Variants in SCAPER observed in about 807,000 individuals in gnomAD.
SCAPER encodes S phase cyclin A-associated protein in the endoplasmic reticulum.
SCAPER carries 98 observed loss-of-function variants against 182.2 expected under a neutral mutation model. That is an observed-to-expected ratio of 0.54 (90% CI 0.46 to 0.64). The LOEUF (loss-of-function observed/expected upper bound fraction) is 0.64, where lower values mean the gene tolerates loss of function less well. Among genes scored for constraint, SCAPER ranks in the 30% least tolerant of loss-of-function variants. The pLI is 0.00. For synonymous variants in SCAPER, 605 were observed against 564.6 expected (o/e 1.07, Z -1.01); for missense variants, 1,432 against 1,690.0 (o/e 0.85, Z 2.68).
chr15:76,666,371 C>T (rs973254089), intron 20 of SCAPER, among the ~76,000 whole-genome samples: 4 of 152,174 alleles, frequency 2.6e-5, no homozygotes, highest in African/African-American at 7.2e-5. Context: ...CACAGCAAAA[C>T]TTTGGTTCAG....
intron 22 of SCAPER, among the ~76,000 whole-genome samples, chr15:76,606,135 C>G (rs966627090): frequency 3.9e-5 from 6 of 152,126 alleles, no homozygotes; most frequent in African/African-American, 1.4e-4. Context: ...TTAGATCTTT[C>G]CTGCTTTCTC....
intron 17 of SCAPER, among the ~76,000 whole-genome samples, chr15:76,706,980 G>A (rs1598284202): frequency 6.6e-6 from 1 of 151,876 alleles, no homozygotes; most frequent in East Asian, 1.9e-4. Flanking sequence ...TTTCATTTAT[G>A]ACATATATAT....
chr15:76,777,117 T>G (rs1311387077), intron 8 of SCAPER, among the ~76,000 whole-genome samples: 1 of 152,020 alleles, frequency 6.6e-6, no homozygotes, highest in Non-Finnish European at 1.5e-5. Context: ...AAAAAAATAT[T>G]GAAAGCAGTC....
At position 76,504,962 on chromosome 15, in the gene SCAPER, G is replaced by C; in HGVS notation, c.2851C>G (p.Gln951Glu). The change falls in exon 24 of 32, where the codon CAG becomes GAG. Residue 951 changes from glutamine to glutamate, a missense_variant. Physicochemically the swap from Gln to Glu is conservative, Grantham distance 29. Transcript: ENST00000563290. The part of the protein sequence containing the change: ...RILEKENVAD[Q>E]IAFQAAGGLT... ...CCACCAGCAGCTTGAAATGCAATCT[G>C]ATCTGCCACATTCTAGACAGAAATA... The C allele has an allele frequency of 1.9e-6, 3 of 1,611,700 alleles. No individual in the cohort carries two copies. The highest frequency in any genetic ancestry group is 2.5e-6 in the Non-Finnish European group (3 of 1,179,090).
At chr15:76,559,712 A>G (rs1464724063) in intron 23 of SCAPER, among the ~76,000 whole-genome samples, 1 of 152,184 alleles carries the variant, frequency 6.6e-6, no homozygotes, top group Non-Finnish European at 1.5e-5. Flanking sequence ...CACAAAGAAG[A>G]GAGCAATGGA....
intron 3 of SCAPER, among the ~76,000 whole-genome samples, chr15:76,858,916 T>C (rs146471786): frequency 7.4e-4 from 112 of 152,342 alleles, no homozygotes; most frequent in South Asian, 1.7e-3. Flanking sequence ...CTGTTGAAAG[T>C]AGTGCTGTGA....
At chr15:76,776,597 C>T (rs996965514) in intron 8 of SCAPER, among the ~76,000 whole-genome samples, 8 of 152,182 alleles carry the variant, frequency 5.3e-5, no homozygotes, top group African/African-American at 1.9e-4. Context: ...TTGTTTGACA[C>T]TGGGATTCCC....
chr15:76,820,429 A>G (rs369903026), intron 5 of SCAPER, among the ~76,000 whole-genome samples: 1 of 152,136 alleles, frequency 6.6e-6, no homozygotes, highest in Non-Finnish European at 1.5e-5. Flanking sequence ...ATGAGTTCAT[A>G]TCCTTTGTAG....
At chr15:76,794,069 AAC>A (rs571431746) in intron 8 of SCAPER, among the ~76,000 whole-genome samples, 95 of 152,298 alleles carry the variant, frequency 6.2e-4, no homozygotes, top group Non-Finnish European at 1.1e-3. Flanking sequence ...GCAGAGGAAA[AAC>A]AGTTTGCTTT....
chr15:76,652,258 A>AG (rs1597938184), intron 21 of SCAPER, among the ~76,000 whole-genome samples: 1 of 13,854 alleles, frequency 7.2e-5, no homozygotes, highest in East Asian at 2.6e-3. Flanking sequence ...GTCTCTGCTA[A>AG]AAAAAAAAAA....
intron 29 of SCAPER, among the ~76,000 whole-genome samples, chr15:76,363,997 A>G (rs542388321): frequency 6.6e-6 from 1 of 152,284 alleles, no homozygotes; most frequent in Admixed American, 6.5e-5. Context: ...CATAAAGAAT[A>G]TGGCATGCCC....
chr15:76,733,038 C>G (rs1025098275), intron 16 of SCAPER, among the ~76,000 whole-genome samples, 191 bp downstream of exon 16: 3 of 152,172 alleles, frequency 2.0e-5, no homozygotes, highest in Admixed American at 2.0e-4. Flanking sequence ...TTCAGGGCCA[C>G]TACCGGTCTC....
intron 23 of SCAPER, among the ~76,000 whole-genome samples, chr15:76,514,280 T>TA (rs1434661543): frequency 6.6e-6 from 1 of 152,210 alleles, no homozygotes; most frequent in Non-Finnish European, 1.5e-5. Flanking sequence ...CATAATACCT[T>TA]AAAAGCTCTG....
intron 25 of SCAPER, 99 bp downstream of exon 25, chr15:76,471,111 TTC>T: frequency 2.2e-6 from 2 of 913,000 alleles, no homozygotes; most frequent in Non-Finnish European, 1.4e-6. Flanking sequence ...TTTTTTTTTT[TTC>T]ATCTGGAGAG....
chr15:76,479,808 T>G (rs906564184), intron 24 of SCAPER, among the ~76,000 whole-genome samples: 9 of 152,326 alleles, frequency 5.9e-5, no homozygotes, highest in African/African-American at 2.2e-4. Context: ...AAATCCATTG[T>G]CATACACCTG....
At chr15:76,596,675 C>CG (rs1491425404) in intron 22 of SCAPER, among the ~76,000 whole-genome samples, 2 of 114,700 alleles carry the variant, frequency 1.7e-5, no homozygotes, top group Admixed American at 9.9e-5. Flanking sequence ...CAAATCAATA[C>CG]TATCCATCAC....
chr15:76,826,140 T>C (rs116422472), intron 5 of SCAPER, among the ~76,000 whole-genome samples: 7,745 of 152,080 alleles, frequency 0.051, 583 homozygotes, highest in African/African-American at 0.16. Flanking sequence ...AATGGAATTA[T>C]CTCAAAGACT....
chr15:76,520,521 A>G (rs577122668), intron 23 of SCAPER, among the ~76,000 whole-genome samples: 1 of 152,212 alleles, frequency 6.6e-6, no homozygotes, highest in East Asian at 1.9e-4. Flanking sequence ...CCCAGCCTAT[A>G]GCTGTCTTAT....
intron 1 of SCAPER, among the ~76,000 whole-genome samples, chr15:76,898,993 C>A (rs1006240147): frequency 2.2e-4 from 33 of 152,192 alleles, no homozygotes; most frequent in African/African-American, 6.5e-4. Flanking sequence ...AAATTGCAAT[C>A]ATTCAGTTAC....
Sources: gnomAD v4.1 joint callset for allele counts (sites outside exome capture counted in the v4.1 genomes callset) on GRCh38, gnomAD v4.1.1 for gene constraint, MANE v1.5 for transcripts, NCBI Gene and HGNC (gene_info 2026-07-23, HGNC 2026-07-21) for gene names.